The following SCUBE1 variants were observed in gnomAD, a reference collection of about 807,000 sequenced individuals.
SCUBE1 encodes the protein signal peptide, CUB and EGF-like domain-containing protein 1.
In SCUBE1, 59 loss-of-function variants were observed where a neutral mutation model predicts 124.4. The ratio of observed to expected loss-of-function variants is 0.47; its 90% CI spans 0.38 to 0.59. SCUBE1 has a LOEUF of 0.59. SCUBE1 is among the 20% of genes least tolerant of loss of function. The pLI is 0.00. For missense variants in SCUBE1, 1,150 were observed against 1,371.2 expected (o/e 0.84, Z 2.55); for synonymous variants, 545 against 550.9 (o/e 0.99, Z 0.15).
intron 3 of SCUBE1, among the ~76,000 whole-genome samples, chr22:43,303,945 C>T (rs773296150): frequency 9.9e-5 from 15 of 152,258 alleles, no homozygotes; most frequent in Non-Finnish European, 1.9e-4. Context: ...TGGCTTGGCC[C>T]TGCCTCCACT....
At chr22:43,300,733 C>G (rs1925740907) in intron 3 of SCUBE1, among the ~76,000 whole-genome samples, 1 of 152,114 alleles carries the variant, frequency 6.6e-6, no homozygotes. Flanking sequence ...GAGTTCAGTG[C>G]AGGTCAGTGG....
chr22:43,316,140 T>G (rs1926340023), intron 3 of SCUBE1, among the ~76,000 whole-genome samples: 1 of 152,220 alleles, frequency 6.6e-6, no homozygotes, highest in African/African-American at 2.4e-5. Context: ...GACACTCTGC[T>G]ACATGCTCCA....
At position 43,333,955 on chromosome 22, in the gene SCUBE1, A is replaced by G. The variant is rs117685669; in HGVS notation, c.220+5149T>C. On this transcript the variant is annotated intron_variant, in intron 2 of 21. Transcript: ENST00000360835. ...TCAACATGGTGGTGAAGAACTGGGG[A>G]GAATGTGGCAGCCATGTCCTCGGGG... Among the ~76,000 whole-genome samples, 411 of 152,300 alleles carry G rather than the reference A, an allele frequency of 2.7e-3. 4 individuals are homozygous for G. Among genetic ancestry groups the G allele is most frequent in the Non-Finnish European group, 4.2e-3 (289 of 68,022 alleles).
intron 1 of SCUBE1, among the ~76,000 whole-genome samples, chr22:43,342,342 C>A (rs1362699841): frequency 1.3e-5 from 2 of 152,064 alleles, no homozygotes; most frequent in Non-Finnish European, 2.9e-5. Context: ...GTCTGCTCCA[C>A]CGACGTCCCG....
chr22:43,328,319 G>A (rs570666056), intron 2 of SCUBE1, among the ~76,000 whole-genome samples: 14 of 152,248 alleles, frequency 9.2e-5, no homozygotes, highest in Non-Finnish European at 1.6e-4. Flanking sequence ...TGCCAGGCTT[G>A]AGTCTAGTTC....
At chr22:43,298,605 G>C (rs984834271) in intron 3 of SCUBE1, among the ~76,000 whole-genome samples, 13 of 152,166 alleles carry the variant, frequency 8.5e-5, no homozygotes, top group Non-Finnish European at 1.9e-4. Context: ...CTGCCCTGCC[G>C]CCCCCTGCTG....
At chr22:43,287,464 C>T (rs1209592257) in intron 4 of SCUBE1, among the ~76,000 whole-genome samples, 1 of 152,230 alleles carries the variant, frequency 6.6e-6, no homozygotes, top group Non-Finnish European at 1.5e-5. Flanking sequence ...CCTAATCCTC[C>T]CAAGCCTAGC....
chr22:43,221,206 G>T lies in SCUBE1; in HGVS notation c.1516C>A (p.Arg506=), dbSNP rs1008768327. ...KCHLRPHSQA[R]AKETARQPLL... ...GGCTGCCTGGCGGTCTCCTTTGCTC[G>T]TGCCTGGCTGTGGGGCCGGAGGTGG... The change falls in exon 13 of 22, where the codon CGA becomes AGA. Residue 506 remains arginine, a synonymous_variant. Transcript: ENST00000360835. The T allele has an allele frequency of 1.2e-6, 2 of 1,611,230 alleles. No individual in the cohort carries two copies. The highest frequency in any genetic ancestry group is 1.1e-5 in the South Asian group (1 of 91,064).
In SCUBE1 at chr22:43,198,303, AGC is replaced by A. The variant is rs1920956059; in HGVS notation, c.*5692_*5693del. 2 of 347,026 alleles carry A rather than the reference AGC, an allele frequency of 5.8e-6. No individual in the cohort carries two copies. The highest frequency in any genetic ancestry group is 7.8e-5 in the Admixed American group (2 of 25,804). 21.5% of individuals were successfully genotyped at this position (347,026 alleles called of 1,614,324 possible). On this transcript the variant is annotated 3_prime_UTR_variant, in exon 22 of 22. Coordinates refer to ENST00000360835, the MANE Select transcript of SCUBE1 (RefSeq NM_173050.5). ...TCAGGGGCTCTGAGTGGCATGGTGCAGCAGGGGACTGGAGAGGCCTTGAGGCC... is the reference window on the plus strand; with the variant it reads ...TCAGGGGCTCTGAGTGGCATGGTGCAAGGGGACTGGAGAGGCCTTGAGGCC...
chr22:43,215,690 G>A (rs1245426035), intron 15 of SCUBE1, among the ~76,000 whole-genome samples: 1 of 152,178 alleles, frequency 6.6e-6, no homozygotes, highest in Non-Finnish European at 1.5e-5. Context: ...TTAGCCTAGA[G>A]GAGGTGAGTT....
At position 43,273,561 on chromosome 22, in the gene SCUBE1, CT is replaced by C. The variant is rs1056252584; in HGVS notation, c.485-10717del. Among the ~76,000 whole-genome samples the C allele has an allele frequency of 7.6e-3, 465 of 60,944 alleles. 3 individuals carry two copies. The highest frequency in any genetic ancestry group is 0.023 in the African/African-American group (344 of 15,232). 40.0% of individuals were successfully genotyped at this position (60,944 alleles called of 152,430 possible). A position where few individuals can be genotyped will look rare whatever the true frequency, so the allele number is the denominator to read the frequency against. ...TATAAAGTGGGGAGACTAAAACCCT[CT>C]TTTTTTTTTTTTTTTTTTTTTTTGA... On this transcript the variant is annotated intron_variant, in intron 4 of 21. Coordinates refer to ENST00000360835, the MANE Select transcript of SCUBE1 (RefSeq NM_173050.5).
chr22:43,215,585 T>C (rs1921774056), intron 15 of SCUBE1, among the ~76,000 whole-genome samples: 1 of 152,170 alleles, frequency 6.6e-6, no homozygotes, highest in African/African-American at 2.4e-5. Context: ...TGCCTGCTGA[T>C]GGGGCACCCA....
intron 3 of SCUBE1, among the ~76,000 whole-genome samples, chr22:43,300,070 A>G (rs554018114): frequency 1.9e-4 from 29 of 152,268 alleles, no homozygotes; most frequent in African/African-American, 7.0e-4. Context: ...GCTGTTATGA[A>G]CGGTGCTGCT....
At chr22:43,291,881 C>T (rs936669491) in intron 3 of SCUBE1, among the ~76,000 whole-genome samples, 2 of 152,086 alleles carry the variant, frequency 1.3e-5, no homozygotes, top group Non-Finnish European at 2.9e-5. Context: ...AACTTAGGTG[C>T]GGAGGGGCAA....
At chr22:43,238,631 C>T in intron 7 of SCUBE1, 1 of 649,160 alleles carries the variant, frequency 1.5e-6, no homozygotes, top group South Asian at 1.7e-5. Context: ...CCTGTGTTCT[C>T]TCGAACTCTG....
intron 3 of SCUBE1, among the ~76,000 whole-genome samples, chr22:43,317,818 T>C (rs1305261901): frequency 6.6e-6 from 1 of 152,200 alleles, no homozygotes; most frequent in Non-Finnish European, 1.5e-5. Flanking sequence ...GGAAATAAGG[T>C]CTTGGCAGAT....
intron 7 of SCUBE1, chr22:43,238,384 G>A: frequency 2.8e-6 from 1 of 354,584 alleles, no homozygotes; most frequent in East Asian, 5.3e-5. Flanking sequence ...AGACCTGTGT[G>A]TCCCAGATGG....
intron 6 of SCUBE1, among the ~76,000 whole-genome samples, chr22:43,242,817 G>T (rs1923059851): frequency 6.6e-6 from 1 of 152,202 alleles, no homozygotes; most frequent in Non-Finnish European, 1.5e-5. Context: ...GAGAGATCAT[G>T]GAACAATACA....
intron 2 of SCUBE1, among the ~76,000 whole-genome samples, chr22:43,335,432 T>C (rs1236349487): frequency 6.6e-6 from 1 of 152,132 alleles, no homozygotes; most frequent in Non-Finnish European, 1.5e-5. Flanking sequence ...ATGCCAACAC[T>C]CACTCACTGA....
Sources: allele counts gnomAD v4.1 joint callset (sites outside exome capture counted in the v4.1 genomes callset), GRCh38; gene constraint gnomAD v4.1.1; transcripts MANE v1.5; gene names NCBI Gene and HGNC (gene_info 2026-07-23, HGNC 2026-07-21).